Variants in FANCB observed in about 807,000 individuals in gnomAD.
FANCB encodes FA complementation group B.
In FANCB, 5 loss-of-function variants were observed where a neutral mutation model predicts 38.9. The ratio of observed to expected loss-of-function variants is 0.13; its 90% CI spans 0.07 to 0.27. The LOEUF (loss-of-function observed/expected upper bound fraction) is 0.27, where lower values mean the gene tolerates loss of function less well. FANCB is among the 10% of genes least tolerant of loss of function. The pLI is 1.00. For missense variants in FANCB, 573 were observed against 602.7 expected, an observed-to-expected ratio of 0.95 and a Z score of 0.52; for synonymous variants, 236 against 215.4, an observed-to-expected ratio of 1.10 and a Z score of -0.84.
the FANCB span, among the ~76,000 whole-genome samples, chrX:14,704,463 G>A: frequency 2.1e-4 from 24 of 112,316 alleles, no homozygotes; most frequent in Non-Finnish European, 4.1e-4. Flanking sequence ...TAAAAAGATC[G>A]AGCTAAATGA....
chrX:14,859,133 T>G, intron 4 of FANCB, 49 bp downstream of exon 4: 1 of 951,976 alleles, frequency 1.1e-6, no homozygotes, highest in South Asian at 2.2e-5. Flanking sequence ...GCACTTAAAT[T>G]TTCTAAAATG....
At chrX:14,737,793 A>C in the FANCB span, among the ~76,000 whole-genome samples, 2 of 112,418 alleles carry the variant, frequency 1.8e-5, no homozygotes, top group African/African-American at 6.5e-5. Context: ...TCATTTTTAA[A>C]ATACTGTTTC....
At chrX:14,711,243 T>C in the FANCB span, among the ~76,000 whole-genome samples, 1 of 112,577 alleles carries the variant, frequency 8.9e-6, no homozygotes, top group Non-Finnish European at 1.9e-5. Context: ...CTGGGAGGGT[T>C]CCCTTGCCCC....
chrX:14,701,608 A>G, the FANCB span, among the ~76,000 whole-genome samples: 1 of 111,855 alleles, frequency 8.9e-6, no homozygotes, highest in African/African-American at 3.3e-5. Flanking sequence ...TGTAAAGAAG[A>G]GATGAGAATG....
chrX:14,864,856 T>C lies in FANCB; in HGVS notation c.655A>G (p.Ser219Gly). 8.3e-7 allele frequency: 1 copy of C among 1,209,951 alleles called. No individual in the cohort carries two copies. The highest frequency in any genetic ancestry group is 1.7e-5 in the African/African-American group (1 of 57,895). ...TATATATCACTTAATACTTCTTGAC[T>C]TTCAAGAGAATATACACAAAATTTG... Reference protein sequence around the residue: ...NTKFCVYSLESQEVLSDIYII... With the variant: ...NTKFCVYSLEGQEVLSDIYII... The change falls in exon 3 of 10, where the codon AGT (serine) becomes GGT (glycine). Residue 219 changes from serine (S) to glycine (G), a missense_variant. Coordinates refer to ENST00000650831, the MANE Select transcript of FANCB (RefSeq NM_001018113.3).
the FANCB span, among the ~76,000 whole-genome samples, chrX:14,829,251 C>G: frequency 9.0e-6 from 1 of 111,515 alleles, no homozygotes; most frequent in East Asian, 2.8e-4. Context: ...TTAAAATATT[C>G]AATAAACCAT....
At chrX:14,799,635 T>C in the FANCB span, among the ~76,000 whole-genome samples, 3 of 111,867 alleles carry the variant, frequency 2.7e-5, no homozygotes, top group East Asian at 2.8e-4. Context: ...GATGGTAATA[T>C]AGACGTTAAA....
At chrX:14,788,378 G>C in the FANCB span, among the ~76,000 whole-genome samples, 1 of 111,394 alleles carries the variant, frequency 9.0e-6, no homozygotes, top group African/African-American at 3.3e-5. Context: ...TGCCCAGCCT[G>C]GTCATGGTAT....
chrX:14,755,293 T>C, the FANCB span, among the ~76,000 whole-genome samples: 1 of 111,576 alleles, frequency 9.0e-6, no homozygotes, highest in South Asian at 3.7e-4. Flanking sequence ...ACAGGGATCA[T>C]AGAACAATTA....
At chrX:14,747,848 T>C in the FANCB span, among the ~76,000 whole-genome samples, 1 of 112,151 alleles carries the variant, frequency 8.9e-6, no homozygotes. Flanking sequence ...GGTTGGGGGT[T>C]TGGGGTTGAT....
At chrX:14,752,173 T>C in the FANCB span, among the ~76,000 whole-genome samples, 1 of 111,806 alleles carries the variant, frequency 8.9e-6, no homozygotes, top group Non-Finnish European at 1.9e-5. Flanking sequence ...AATAAGACTT[T>C]CAATATCATA....
intron 6 of FANCB, among the ~76,000 whole-genome samples, chrX:14,851,145 T>C (rs970049332): frequency 5.3e-5 from 6 of 112,380 alleles, no homozygotes; most frequent in Non-Finnish European, 1.1e-4. Flanking sequence ...CATATTCATT[T>C]CCACACACAT....
the FANCB span, among the ~76,000 whole-genome samples, chrX:14,772,555 T>C: frequency 8.9e-6 from 1 of 112,488 alleles, no homozygotes; most frequent in Admixed American, 9.3e-5. Context: ...AACCAGCTGC[T>C]GTTGGACGGC....
the FANCB span, among the ~76,000 whole-genome samples, chrX:14,801,891 A>C: frequency 1.8e-5 from 2 of 111,135 alleles, no homozygotes; most frequent in Non-Finnish European, 3.8e-5. Flanking sequence ...TCCCGAGAAA[A>C]CATAAACAAA....
At chrX:14,872,641 C>CG (rs1225659612) in intron 1 of FANCB, among the ~76,000 whole-genome samples, 2 of 86,468 alleles carry the variant, frequency 2.3e-5, no homozygotes, top group African/African-American at 4.6e-5. Flanking sequence ...AACCGCCCCC[C>CG]CCACACACAC....
the FANCB span, among the ~76,000 whole-genome samples, chrX:14,718,058 A>G: frequency 2.7e-5 from 3 of 110,852 alleles, no homozygotes; most frequent in African/African-American, 3.3e-5. Flanking sequence ...AGCAGAAGTT[A>G]CATTCTCTAT....
At chrX:14,690,701 C>A in the FANCB span, 1 of 1,140,500 alleles carries the variant, frequency 8.8e-7, no homozygotes, top group Non-Finnish European at 1.2e-6. Flanking sequence ...GTCTCTCTCT[C>A]TCTCTCAGGT....
the FANCB span, among the ~76,000 whole-genome samples, chrX:14,698,681 CAAAAAA>C: frequency 0.026 from 554 of 21,103 alleles, 1 homozygote; most frequent in Non-Finnish European, 0.035. Flanking sequence ...CTATCTATCT[CAAAAAA>C]AAAAAAAAAA....
the FANCB span, among the ~76,000 whole-genome samples, chrX:14,719,215 C>T: frequency 1.8e-5 from 2 of 111,831 alleles, no homozygotes; most frequent in African/African-American, 6.5e-5. Flanking sequence ...CTATAAAAGA[C>T]TTCAATGGGT....
Sources: gnomAD v4.1 joint callset for allele counts (sites outside exome capture counted in the v4.1 genomes callset) on GRCh38, gnomAD v4.1.1 for gene constraint, MANE v1.5 for transcripts, NCBI Gene and HGNC (gene_info 2026-07-23, HGNC 2026-07-21) for gene names.